TRAPPC9: variants seen among roughly 807,000 people sequenced by gnomAD.
The protein encoded by TRAPPC9 is IKK2 binding protein.
A neutral mutation model predicts 124.0 loss-of-function variants in TRAPPC9; 83 were observed. The observed-to-expected ratio is 0.67, with a 90% confidence interval of 0.56 to 0.80. The LOEUF is 0.80. Among genes scored for constraint, TRAPPC9 ranks in the 30% least tolerant of loss-of-function variants. TRAPPC9 has a pLI of 0.00. For missense variants in TRAPPC9, 1,302 were observed against 1,508.3 expected (o/e 0.86, Z 2.27); for synonymous variants, 638 against 617.5 (o/e 1.03, Z -0.49).
chr8:139,731,925 G>A (rs1189517148), intron 22 of TRAPPC9, 54 bp downstream of exon 22: 3 of 1,499,954 alleles, frequency 2.0e-6, no homozygotes, highest in Non-Finnish European at 2.7e-6. Context: ...GGGAAGGGGG[G>A]ATGATGACCA....
intron 21 of TRAPPC9, among the ~76,000 whole-genome samples, chr8:139,808,047 C>T (rs1586891043): frequency 6.6e-6 from 1 of 152,148 alleles, no homozygotes; most frequent in South Asian, 2.1e-4. Flanking sequence ...GGAAAATCCT[C>T]GTTAAAGTCA....
chr8:140,248,022 T>A (rs7005691), intron 16 of TRAPPC9, among the ~76,000 whole-genome samples: 9,521 of 152,280 alleles, frequency 0.063, 530 homozygotes, highest in African/African-American at 0.15. Context: ...ATCTCGCTGC[T>A]TATGTTTTCA....
chr8:140,296,422 G>T (rs955087353), intron 11 of TRAPPC9, among the ~76,000 whole-genome samples: 2 of 152,074 alleles, frequency 1.3e-5, no homozygotes, highest in African/African-American at 2.4e-5. Flanking sequence ...CCGCCACCAG[G>T]CCTGGCTATT....
At chr8:140,448,077 T>A (rs1242848416) in intron 2 of TRAPPC9, among the ~76,000 whole-genome samples, 3 of 136,076 alleles carry the variant, frequency 2.2e-5, no homozygotes, top group African/African-American at 8.4e-5. Flanking sequence ...GCCCAGGAGG[T>A]GGAGGTTGCA....
intron 21 of TRAPPC9, among the ~76,000 whole-genome samples, chr8:139,801,220 C>A (rs1204616827): frequency 6.6e-6 from 1 of 152,246 alleles, no homozygotes; most frequent in African/African-American, 2.4e-5. Flanking sequence ...ACAGACCACA[C>A]AATGCCTTCC....
At chr8:140,290,084 C>G (rs1237580846) in intron 12 of TRAPPC9, among the ~76,000 whole-genome samples, 1 of 152,198 alleles carries the variant, frequency 6.6e-6, no homozygotes. Context: ...CCGTCCACAA[C>G]AGGCCTGCAA....
chr8:140,457,540 G>T (rs1434642199), intron 1 of TRAPPC9, 99 bp downstream of exon 1: 18 of 924,834 alleles, frequency 1.9e-5, no homozygotes, highest in Non-Finnish European at 2.3e-5. Flanking sequence ...GGCCGGGCGA[G>T]CCCCTCCGCG....
chr8:139,758,242 C>T (rs991263278), intron 21 of TRAPPC9, among the ~76,000 whole-genome samples: 10 of 152,260 alleles, frequency 6.6e-5, no homozygotes, highest in Middle Eastern at 3.4e-3. Flanking sequence ...AAATGCCAGG[C>T]TTATGTGGGG....
At chr8:140,419,151 G>A (rs533015360) in intron 5 of TRAPPC9, among the ~76,000 whole-genome samples, 14 of 151,288 alleles carry the variant, frequency 9.3e-5, no homozygotes, top group African/African-American at 1.2e-4. Context: ...AAAATTGGCC[G>A]GGCGCGGTGA....
intron 9 of TRAPPC9, among the ~76,000 whole-genome samples, chr8:140,354,273 C>T (rs1013041712): frequency 6.6e-6 from 1 of 152,178 alleles, no homozygotes; most frequent in Admixed American, 6.5e-5. Flanking sequence ...AGGATGACAG[C>T]TCCATTAATC....
intron 19 of TRAPPC9, among the ~76,000 whole-genome samples, chr8:139,954,814 AAT>A: frequency 6.6e-6 from 1 of 152,312 alleles, no homozygotes; most frequent in African/African-American, 2.4e-5. Flanking sequence ...AATAAAGGCC[AAT>A]GTTGAGAATA....
In TRAPPC9 at chr8:140,353,646, G is replaced by A. The variant is rs879351630; in HGVS notation, c.1495+6404C>T. 1.3e-4 allele frequency among the ~76,000 whole-genome samples: 20 copies of A among 152,298 alleles called. No homozygotes were observed. Among genetic ancestry groups the A allele is most frequent in the Non-Finnish European group, 2.6e-4 (18 of 68,026 alleles). ...AGCGCAAGGATGACCATCAGGCCGC[G>A]GGCCAGACCTGGTCCATAGGCCACG... On this transcript the variant is annotated intron_variant, in intron 9 of 22. Transcript: ENST00000438773. This position sits in a 1 kb window ranked among gnomAD's most constrained non-coding sequence, Gnocchi z 4.2.
At chr8:140,080,370 G>A (rs1280108486) in intron 17 of TRAPPC9, among the ~76,000 whole-genome samples, 1 of 152,212 alleles carries the variant, frequency 6.6e-6, no homozygotes, top group Non-Finnish European at 1.5e-5. Context: ...ATACCTGAGT[G>A]TGGGTAATGC....
chr8:140,129,250 G>A lies in TRAPPC9; in HGVS notation c.2556+92209C>T, dbSNP rs952880525. 9.2e-5 allele frequency among the ~76,000 whole-genome samples: 14 copies of A among 152,236 alleles called. No homozygotes were observed. The East Asian group carries it at 2.5e-3, about 27-fold the overall frequency. ...AGGGCAGGCAGGTATCCGTGAGGAG[G>A]GGAGGCTGGCTCGGGTGTGTCTGGC... On this transcript the variant is annotated intron_variant, in intron 17 of 22. Coordinates refer to ENST00000438773, the MANE Select transcript of TRAPPC9 (RefSeq NM_001160372.4).
intron 17 of TRAPPC9, among the ~76,000 whole-genome samples, chr8:140,105,434 T>A (rs1286955636): frequency 6.6e-6 from 1 of 152,162 alleles, no homozygotes; most frequent in African/African-American, 2.4e-5. Flanking sequence ...AGTGCCTTTC[T>A]TCCTGGAACT....
chr8:140,435,435 G>C (rs2132607117), intron 3 of TRAPPC9, among the ~76,000 whole-genome samples, 195 bp from the exon 4 acceptor site: 1 of 152,246 alleles, frequency 6.6e-6, no homozygotes, highest in Non-Finnish European at 1.5e-5. Context: ...TTTTGCAAAT[G>C]GGAACTTGCC....
rs1043417757 is a variant in TRAPPC9 at position 140,252,814 on chromosome 8, G to A, written c.2394C>T (p.Phe798=). The part of the protein sequence containing the change: ...FTINIKVKLD[F]SCQENLLQDL... ...CCTGCAGGAGATTCTCCTGGCAGGAGAAATCCAGCTTCACTTTGATGTTGA... is the reference window on the plus strand; with the variant it reads ...CCTGCAGGAGATTCTCCTGGCAGGAAAAATCCAGCTTCACTTTGATGTTGA... The change falls in exon 16 of 23, where the codon TTC becomes TTT. Residue 798 remains phenylalanine, a synonymous_variant. Coordinates refer to ENST00000438773, the MANE Select transcript of TRAPPC9 (RefSeq NM_001160372.4). The surrounding 1 kb of genome is among the most constrained non-coding windows in gnomAD (Gnocchi z 4.2). The A allele has an allele frequency of 1.9e-6, 3 of 1,613,992 alleles. No individual in the cohort carries two copies. The highest frequency in any genetic ancestry group is 1.7e-6 in the Non-Finnish European group (2 of 1,180,028).
intron 21 of TRAPPC9, among the ~76,000 whole-genome samples, chr8:139,859,939 C>T (rs1006179007): frequency 3.9e-5 from 6 of 152,204 alleles, no homozygotes; most frequent in African/African-American, 9.7e-5. Flanking sequence ...ACTATGGACC[C>T]TATTCCCAGA....
chr8:140,399,711 G>GAGA, intron 6 of TRAPPC9, among the ~76,000 whole-genome samples: 1 of 152,282 alleles, frequency 6.6e-6, no homozygotes, highest in East Asian at 1.9e-4. Context: ...TGTCTCAGAT[G>GAGA]AGACTTTGAA....
Sources: allele counts gnomAD v4.1 joint callset (sites outside exome capture counted in the v4.1 genomes callset), GRCh38; gene constraint gnomAD v4.1.1; non-coding constraint Gnocchi (gnomAD v3.1); transcripts MANE v1.5; gene names NCBI Gene and HGNC (gene_info 2026-07-23, HGNC 2026-07-21).